The following MAP7 variants were observed in gnomAD, a reference collection of about 807,000 sequenced individuals.
MAP7 encodes the protein microtubule associated protein 7.
MAP7 carries 52 observed loss-of-function variants against 94.8 expected under a neutral mutation model. That is an observed-to-expected ratio of 0.55 (90% CI 0.44 to 0.69). The LOEUF is 0.69. MAP7 is among the 30% of genes least tolerant of loss of function. The probability of loss-of-function intolerance (pLI) is 0.00; values close to 1 mark genes in which losing one functional copy is unlikely to be tolerated. For missense variants in MAP7, 940 were observed against 964.6 expected (o/e 0.97, Z 0.34); for synonymous variants, 350 against 357.0 (o/e 0.98, Z 0.22).
At chr6:136,470,810 C>G (rs1808726982) in intron 1 of MAP7, among the ~76,000 whole-genome samples, 1 of 151,710 alleles carries the variant, frequency 6.6e-6, no homozygotes, top group Non-Finnish European at 1.5e-5. Flanking sequence ...TACCAGATAA[C>G]TGAAAGCATA....
chr6:136,533,908 G>GT (rs779804629), intron 1 of MAP7, among the ~76,000 whole-genome samples: 1 of 151,702 alleles, frequency 6.6e-6, no homozygotes, highest in Non-Finnish European at 1.5e-5. Flanking sequence ...TATCTAAACC[G>GT]TATCACCATC....
intron 1 of MAP7, among the ~76,000 whole-genome samples, chr6:136,427,193 C>CG (rs769353483): frequency 6.6e-6 from 1 of 152,142 alleles, no homozygotes; most frequent in Non-Finnish European, 1.5e-5. Context: ...GGACAGCTCA[C>CG]GCAGCACTAT....
intron 1 of MAP7, among the ~76,000 whole-genome samples, chr6:136,529,192 G>A (rs1349865024): frequency 6.6e-6 from 1 of 152,128 alleles, no homozygotes; most frequent in Non-Finnish European, 1.5e-5. Flanking sequence ...TTGGCTCACT[G>A]CAACCTCCAC....
chr6:136,531,583 T>C lies in MAP7; in HGVS notation c.67+18759A>G, dbSNP rs1240106565. Among the ~76,000 whole-genome samples the C allele has an allele frequency of 1.4e-5, 2 of 144,258 alleles. 1 individual carries two copies. The highest frequency in any genetic ancestry group is 4.0e-4 in the East Asian group (2 of 5,012). The allele number at this position is 144,258 out of a possible 152,430, so 94.6% of individuals were successfully genotyped here. ...AGGGTATTGATAGCTAAATGTGTGA[T>C]CCAGACAGGCCAGGATGAACTTGAA... On this transcript the variant is annotated intron_variant, in intron 1 of 17. Coordinates refer to ENST00000354570, the MANE Select transcript of MAP7 (RefSeq NM_003980.6).
chr6:136,383,806 A>G (rs921149656), intron 5 of MAP7, 25 bp from the exon 6 acceptor site: 7 of 1,377,486 alleles, frequency 5.1e-6, no homozygotes, highest in Non-Finnish European at 7.2e-6. Flanking sequence ...GATAATGCTA[A>G]TTGACAGCCA....
At chr6:136,350,612 A>T (rs1788899152) in intron 16 of MAP7, among the ~76,000 whole-genome samples, 1 of 152,210 alleles carries the variant, frequency 6.6e-6, no homozygotes, top group Admixed American at 6.5e-5. Context: ...TCAGGAGGCC[A>T]AGGTGGGATG....
intron 7 of MAP7, among the ~76,000 whole-genome samples, chr6:136,374,089 C>A (rs1775378239): frequency 6.6e-6 from 1 of 152,224 alleles, no homozygotes; most frequent in Admixed American, 6.5e-5. Flanking sequence ...CTTTTCCCAT[C>A]ATTTGAAAAC....
chr6:136,439,751 T>C (rs191354030), intron 1 of MAP7, among the ~76,000 whole-genome samples: 1 of 152,296 alleles, frequency 6.6e-6, no homozygotes, highest in East Asian at 1.9e-4. Context: ...CAGTATTATG[T>C]TAATAATTAA....
chr6:136,540,070 CCTG>C (rs1829182470), intron 1 of MAP7, among the ~76,000 whole-genome samples: 4 of 152,106 alleles, frequency 2.6e-5, no homozygotes, highest in Admixed American at 2.6e-4. Flanking sequence ...GTTGAATAAT[CCTG>C]CTGAGAAAAA....
intron 1 of MAP7, among the ~76,000 whole-genome samples, chr6:136,489,164 C>T (rs1464011363): frequency 7.3e-6 from 1 of 137,842 alleles, no homozygotes; most frequent in Admixed American, 7.1e-5. Context: ...CAAGAGTAGA[C>T]TAGTTGTATT....
chr6:136,475,394 C>T (rs1480231277), intron 1 of MAP7, among the ~76,000 whole-genome samples: 1 of 152,134 alleles, frequency 6.6e-6, no homozygotes, highest in Non-Finnish European at 1.5e-5. Context: ...GGAGAATTAG[C>T]ATTTTTGGAG....
intron 1 of MAP7, among the ~76,000 whole-genome samples, chr6:136,485,549 C>T (rs1814372112): frequency 6.9e-6 from 1 of 144,418 alleles, no homozygotes. Context: ...ATCAATTCCA[C>T]TTCAGATTTT....
At chr6:136,358,437 G>A (rs568413060) in intron 15 of MAP7, among the ~76,000 whole-genome samples, 1 of 152,090 alleles carries the variant, frequency 6.6e-6, no homozygotes, top group Admixed American at 6.5e-5. Flanking sequence ...ATGCAATGGG[G>A]TTATAATATA....
At chr6:136,497,851 T>G (rs568424426) in intron 1 of MAP7, among the ~76,000 whole-genome samples, 1 of 145,322 alleles carries the variant, frequency 6.9e-6, no homozygotes, top group East Asian at 2.0e-4. Flanking sequence ...GACAAAGGCA[T>G]GAATGACTGT....
intron 2 of MAP7, among the ~76,000 whole-genome samples, chr6:136,418,793 G>A (rs1015879695): frequency 3.3e-5 from 5 of 151,670 alleles, no homozygotes; most frequent in African/African-American, 1.2e-4. Context: ...AAATGCTTTA[G>A]ACAGACATTC....
chr6:136,484,175 C>G (rs1813866523), intron 1 of MAP7, among the ~76,000 whole-genome samples: 1 of 152,204 alleles, frequency 6.6e-6, no homozygotes, highest in African/African-American at 2.4e-5. Context: ...AGGGCCAGGA[C>G]AGACCTCACA....
chr6:136,489,992 A>G (rs1816064699), intron 1 of MAP7, among the ~76,000 whole-genome samples: 1 of 152,086 alleles, frequency 6.6e-6, no homozygotes, highest in African/African-American at 2.4e-5. Context: ...CCTCTTCCAG[A>G]TATATATATA....
chr6:136,466,679 G>T, intron 1 of MAP7: 1 of 1,378,830 alleles, frequency 7.3e-7, no homozygotes, highest in Non-Finnish European at 9.9e-7. Context: ...GTATTAATTT[G>T]TCAAAATGGA....
At chr6:136,456,822 G>GAAGAAAGAAGAA (rs1554259490) in intron 1 of MAP7, among the ~76,000 whole-genome samples, 1 of 69,024 alleles carries the variant, frequency 1.4e-5, no homozygotes, top group African/African-American at 6.4e-5. Flanking sequence ...AGAAGAAGAA[G>GAAGAAAGAAGAA]GAAGAAGAAG....
Sources: gnomAD v4.1 joint callset for allele counts (sites outside exome capture counted in the v4.1 genomes callset) on GRCh38, gnomAD v4.1.1 for gene constraint, MANE v1.5 for transcripts, NCBI Gene and HGNC (gene_info 2026-07-23, HGNC 2026-07-21) for gene names.